Variants in ADAR observed in about 807,000 individuals in gnomAD.
ADAR encodes the protein double-stranded RNA-specific adenosine deaminase.
In ADAR, 41 loss-of-function variants were observed where a neutral mutation model predicts 113.2. That is an observed-to-expected ratio of 0.36 (90% CI 0.28 to 0.47). ADAR has a LOEUF of 0.47. Among genes scored for constraint, ADAR ranks in the 20% least tolerant of loss-of-function variants. ADAR has a pLI of 1.00. For synonymous variants in ADAR, 605 were observed against 572.6 expected, an observed-to-expected ratio of 1.06 and a Z score of -0.81; for missense variants, 1,242 against 1,540.9, an observed-to-expected ratio of 0.81 and a Z score of 3.25.
chr1:154,624,375 G>C (rs561169894), intron 1 of ADAR, among the ~76,000 whole-genome samples: 4 of 152,256 alleles, frequency 2.6e-5, no homozygotes, highest in African/African-American at 9.6e-5. Context: ...TGGTGAAATA[G>C]GTAGCTTCAA....
intron 5 of ADAR, 58 bp from the exon 6 acceptor site, chr1:154,597,053 G>C (rs1463066566): frequency 5.0e-6 from 8 of 1,613,842 alleles, no homozygotes; most frequent in South Asian, 1.1e-5. Context: ...TGTTGAGGGA[G>C]TCACTGGCAA....
chr1:154,614,050 T>C (rs1463721208), intron 1 of ADAR, among the ~76,000 whole-genome samples: 1 of 152,110 alleles, frequency 6.6e-6, no homozygotes, highest in African/African-American at 2.4e-5. Flanking sequence ...TAGCTATATG[T>C]GCCAGGCTTA....
intron 1 of ADAR, among the ~76,000 whole-genome samples, chr1:154,613,555 G>C (rs1305780866): frequency 6.6e-6 from 1 of 152,048 alleles, no homozygotes; most frequent in East Asian, 1.9e-4. Context: ...AAAATGCTGG[G>C]ATTACAGGCG....
chr1:154,585,539 A>G, intron 13 of ADAR, 195 bp from the exon 14 acceptor site: 1 of 921,422 alleles, frequency 1.1e-6, no homozygotes, highest in Non-Finnish European at 1.7e-6. Flanking sequence ...ATTCCAGACT[A>G]AGAGAAGAAA....
At chr1:154,595,494 T>A (rs1346625111) in intron 6 of ADAR, among the ~76,000 whole-genome samples, 1 of 151,806 alleles carries the variant, frequency 6.6e-6, no homozygotes, top group East Asian at 1.9e-4. Context: ...AACAAAAAAG[T>A]TTAAAAAGTT....
rs754538298 is a variant in ADAR, at chr1:154,596,833, C to G, written c.2242G>C (p.Asp748His). The G allele has an allele frequency of 1.2e-6, 2 of 1,613,638 alleles. No individual in the cohort carries two copies. The highest frequency in any genetic ancestry group is 1.7e-6 in the Non-Finnish European group (2 of 1,180,038). ...HGFAAEFKLV[D>H]QSGPPHEPKF... is the part of the protein sequence containing the mutation. ...GGCTCGTGAGGAGGTCCGGACTGGTCGACCAACTTGAATTCAGCAGCAAAG... is the reference window on the plus strand; with the variant it reads ...GGCTCGTGAGGAGGTCCGGACTGGTGGACCAACTTGAATTCAGCAGCAAAG... Residue 748 changes from aspartate to histidine, a missense_variant, in exon 6 of 15, where the codon GAC (aspartate) becomes CAC (histidine). Asp to His is a moderately conservative substitution (Grantham distance 81). Around this residue, in one of 2 missense-constraint regions of ADAR, gnomAD observed 780 missense variants for 1,057.9 expected, o/e 0.74. Transcript: ENST00000368474.
rs1316226184 is a variant in ADAR, at chr1:154,608,186, C to G, written c.-180G>C. 2.8e-6 allele frequency: 2 copies of G among 712,850 alleles called. No homozygotes were observed. The highest frequency in any genetic ancestry group is 4.3e-6 in the Non-Finnish European group (2 of 467,832). The allele number at this position is 712,850 out of a possible 1,614,324, so 44.2% of individuals were successfully genotyped here. A position where few individuals can be genotyped will look rare whatever the true frequency, so the allele number is the denominator to read the frequency against. On this transcript the variant is annotated 5_prime_UTR_variant, in exon 1 of 15. Transcript: ENST00000368474. ...CGCCGGGCCCAAGATGGCTCCGGTT[C>G]AATTTCGCTTTCGTTTCCTCGGAAA... is the stretch of plus-strand genomic sequence containing the variant.
At chr1:154,618,092 T>C (rs1038737375) in intron 1 of ADAR, among the ~76,000 whole-genome samples, 1 of 150,578 alleles carries the variant, frequency 6.6e-6, no homozygotes, top group Non-Finnish European at 1.5e-5. Context: ...TATACATTAC[T>C]ATAGTAATAT....
rs771914988 is a variant in ADAR at position 154,627,941 on chromosome 1, T to TA, written c.-958dup. On this transcript the variant is annotated 5_prime_UTR_variant, in exon 1 of 15. Transcript: ENST00000368471. Reference sequence around the variant, plus strand: ...CCTCCCCCCACCCTCCCCCACCACGTAGCCTTCTCTACCTTCAGTCGGGAA... The same window carrying TA: ...CCTCCCCCCACCCTCCCCCACCACGTAAGCCTTCTCTACCTTCAGTCGGGAA... The TA allele has an allele frequency of 1.6e-5, 6 of 366,454 alleles. No homozygotes were observed. The African/African-American group carries it at 1.8e-4, about 11-fold the overall frequency. 22.7% of individuals were successfully genotyped at this position (366,454 alleles called of 1,614,324 possible). A position where few individuals can be genotyped will look rare whatever the true frequency, so the allele number is the denominator to read the frequency against.
At chr1:154,597,997 G>C (rs1385487154) in intron 3 of ADAR, 21 bp from the exon 4 acceptor site, 13 of 1,611,270 alleles carry the variant, frequency 8.1e-6, no homozygotes, top group Non-Finnish European at 1.0e-5. Flanking sequence ...TGAGAGACAA[G>C]AAGAAAACAA....
Position 154,598,731 on chromosome 1 carries a change from T to C in ADAR, c.1602-146A>G, listed in dbSNP as rs1178970543. The stretch of plus-strand genomic sequence containing the variant: ...AAGGGTAGGCCAAGGAACTCCTTCC[T>C]ACTCCTTAAGGCTCAGCCTGTCCTT... On this transcript the variant is annotated intron_variant, in intron 2 of 14. Coordinates refer to ENST00000368474, the MANE Select transcript of ADAR (RefSeq NM_001111.5). 2.3e-5 allele frequency: 18 copies of C among 797,964 alleles called. No homozygotes were observed. The Admixed American group carries it at 2.9e-4, about 13-fold the overall frequency. The allele number at this position is 797,964 out of a possible 1,614,324, so 49.4% of individuals were successfully genotyped here.
intron 13 of ADAR, 45 bp from the exon 14 acceptor site, chr1:154,585,389 G>A (rs776035475): frequency 1.3e-5 from 21 of 1,613,258 alleles, no homozygotes; most frequent in Non-Finnish European, 1.7e-5. Flanking sequence ...AACCTTTCAG[G>A]AATAAGATTC....
At chr1:154,592,303 CTG>C (rs1313938614) in intron 6 of ADAR, among the ~76,000 whole-genome samples, 1 of 152,180 alleles carries the variant, frequency 6.6e-6, no homozygotes, top group East Asian at 1.9e-4. Flanking sequence ...CTAAGTCAAA[CTG>C]TGCTATAATT....
At chr1:154,623,349 G>A (rs1698845028) in intron 1 of ADAR, among the ~76,000 whole-genome samples, 1 of 152,200 alleles carries the variant, frequency 6.6e-6, no homozygotes, top group African/African-American at 2.4e-5. Context: ...GCCACAGTGG[G>A]AGTCAAAGTT....
intron 1 of ADAR, among the ~76,000 whole-genome samples, chr1:154,619,736 CACA>C (rs1698736839): frequency 4.6e-5 from 7 of 152,164 alleles, no homozygotes; most frequent in Admixed American, 3.9e-4. Flanking sequence ...GTAATAAAAC[CACA>C]ATGGGATGCC....
At chr1:154,611,644 A>C (rs1698490659), upstream of ADAR, among the ~76,000 whole-genome samples, 1 of 152,142 alleles carries the variant, frequency 6.6e-6, no homozygotes, top group African/African-American at 2.4e-5. Context: ...CCCTGTGCGT[A>C]ACTTCCCCGT....
chr1:154,589,697 G>A, intron 8 of ADAR, 60 bp downstream of exon 8: 1 of 1,602,622 alleles, frequency 6.2e-7, no homozygotes, highest in Non-Finnish European at 8.5e-7. Flanking sequence ...TCCAGGGGAG[G>A]ATGAGAGGCA....
intron 1 of ADAR, among the ~76,000 whole-genome samples, chr1:154,619,458 G>A (rs1176163947): frequency 6.6e-6 from 1 of 152,314 alleles, no homozygotes; most frequent in South Asian, 2.1e-4. Flanking sequence ...CTGTCTGTAC[G>A]AACCAACACA....
rs1274839559 is a variant in ADAR at position 154,583,662 on chromosome 1, A to G, written c.*1144T>C. 1 of 152,242 alleles carries G rather than the reference A, an allele frequency of 6.6e-6. No homozygotes were observed. Among genetic ancestry groups the G allele is most frequent in the Admixed American group, 6.5e-5 (1 of 15,286 alleles). The allele number at this position is 152,242 out of a possible 1,614,324, so 9.4% of individuals were successfully genotyped here. A position where few individuals can be genotyped will look rare whatever the true frequency, so the allele number is the denominator to read the frequency against. ...ATGGAAAAGTATGCCTGAATTTTAA[A>G]TCTGCTCAATTACAGGTTATCTGTA... On this transcript the variant is annotated 3_prime_UTR_variant, in exon 15 of 15. Coordinates refer to ENST00000368474, the MANE Select transcript of ADAR (RefSeq NM_001111.5).
Sources: gnomAD v4.1 joint callset for allele counts (sites outside exome capture counted in the v4.1 genomes callset) on GRCh38, gnomAD v4.1.1 for gene constraint, gnomAD v4.1.1 regional missense constraint, MANE v1.5 for transcripts, NCBI Gene and HGNC (gene_info 2026-07-23, HGNC 2026-07-21) for gene names.